The following RSPH14 variants were observed in gnomAD, a reference collection of about 807,000 sequenced individuals.
RSPH14 encodes radial spoke head 14 homolog, also known as rhabdoid tumor deletion region gene 1.
In RSPH14, 20 loss-of-function variants were observed where a neutral mutation model predicts 26.7. The observed-to-expected ratio is 0.75, with a 90% confidence interval of 0.53 to 1.09. The LOEUF is 1.09. Among genes scored for constraint, RSPH14 ranks in the 50% least tolerant of loss-of-function variants. The pLI, the probability that RSPH14 is intolerant of heterozygous loss-of-function variation, is 0.00. For missense variants in RSPH14, 449 were observed against 457.2 expected, an observed-to-expected ratio of 0.98 and a Z score of 0.16; for synonymous variants, 177 against 189.3, an observed-to-expected ratio of 0.93 and a Z score of 0.53.
intron 5 of RSPH14, 48 bp downstream of exon 5, chr22:23,063,854 G>A: frequency 6.3e-7 from 1 of 1,582,234 alleles, no homozygotes; most frequent in Non-Finnish European, 8.7e-7. Flanking sequence ...TCCAGCTCAG[G>A]TGCCTTCTCC....
At chr22:23,080,582 C>G (rs1454577316) in intron 4 of RSPH14, among the ~76,000 whole-genome samples, 1 of 152,220 alleles carries the variant, frequency 6.6e-6, no homozygotes, top group Admixed American at 6.5e-5. Context: ...CGTTGCGGAT[C>G]TGCAGGTGCA....
At chr22:23,179,353 G>A in the RSPH14 span, among the ~76,000 whole-genome samples, 1 of 152,156 alleles carries the variant, frequency 6.6e-6, no homozygotes, top group South Asian at 2.1e-4. Flanking sequence ...CAGCGGGCTG[G>A]TTTGGGTATT....
At chr22:23,118,678 C>G (rs984042116) in intron 4 of RSPH14, among the ~76,000 whole-genome samples, 31 of 152,228 alleles carry the variant, frequency 2.0e-4, no homozygotes, top group African/African-American at 7.5e-4. Context: ...GCAGAGGCAG[C>G]TCCTCTGAAT....
At chr22:23,116,600 G>A (rs1355866811) in intron 4 of RSPH14, among the ~76,000 whole-genome samples, 1 of 152,254 alleles carries the variant, frequency 6.6e-6, no homozygotes, top group Admixed American at 6.5e-5. Context: ...TGCAACTACA[G>A]TGCAGGATGG....
upstream of RSPH14, among the ~76,000 whole-genome samples, chr22:23,147,401 A>C (rs138461984): frequency 3.2e-3 from 481 of 151,990 alleles, 4 homozygotes; most frequent in African/African-American, 0.011. Context: ...TGGTGCCATC[A>C]TAATTCACTC....
chr22:23,065,177 G>A (rs1276824668), intron 4 of RSPH14, among the ~76,000 whole-genome samples: 2 of 152,148 alleles, frequency 1.3e-5, no homozygotes, highest in African/African-American at 2.4e-5. Flanking sequence ...GTCTCCAAGT[G>A]CCAATTAGTA....
intron 4 of RSPH14, among the ~76,000 whole-genome samples, chr22:23,098,814 C>G (rs1388700360): frequency 6.6e-6 from 1 of 152,252 alleles, no homozygotes; most frequent in Non-Finnish European, 1.5e-5. Context: ...CGGAGGTGAG[C>G]TGGCCCCCAG....
At chr22:23,099,906 A>G (rs956559802) in intron 4 of RSPH14, among the ~76,000 whole-genome samples, 1 of 152,222 alleles carries the variant, frequency 6.6e-6, no homozygotes, top group Non-Finnish European at 1.5e-5. Flanking sequence ...TTGTTGCCCA[A>G]CCTCTGCCCT....
chr22:23,125,384 T>C (rs1486478560), intron 4 of RSPH14, among the ~76,000 whole-genome samples: 1 of 151,974 alleles, frequency 6.6e-6, no homozygotes, highest in African/African-American at 2.4e-5. Flanking sequence ...CCTCAGCCAA[T>C]GTCAGAGTCA....
chr22:23,162,708 C>T, the RSPH14 span: 834 of 456,264 alleles, frequency 1.8e-3, 1 homozygote, highest in African/African-American at 5.6e-3. Context: ...TCATCCCACC[C>T]GTCTCGTGCT....
the RSPH14 span, among the ~76,000 whole-genome samples, chr22:23,170,272 G>C: frequency 6.6e-6 from 1 of 152,170 alleles, no homozygotes; most frequent in Admixed American, 6.5e-5. Context: ...CATAGTCTAG[G>C]TGGTTTTTAG....
intron 4 of RSPH14, 36 bp downstream of exon 4, chr22:23,133,990 G>C (rs1341054366): frequency 6.7e-6 from 10 of 1,496,830 alleles, no homozygotes; most frequent in South Asian, 1.1e-5. Flanking sequence ...GACAACTTGA[G>C]TGCCCGACAG....
intron 4 of RSPH14, among the ~76,000 whole-genome samples, chr22:23,104,997 G>C (rs1569178355): frequency 6.6e-6 from 1 of 152,224 alleles, no homozygotes; most frequent in Non-Finnish European, 1.5e-5. Context: ...GCTTAGGCCA[G>C]CCCAGGAGCC....
At chr22:23,123,201 C>G in intron 4 of RSPH14, 1 of 1,613,954 alleles carries the variant, frequency 6.2e-7, no homozygotes, top group Non-Finnish European at 8.5e-7. Flanking sequence ...AGAGAAGATC[C>G]GCCGCATCCC....
intron 4 of RSPH14, among the ~76,000 whole-genome samples, chr22:23,086,513 G>C (rs2068824614): frequency 6.6e-6 from 1 of 152,232 alleles, no homozygotes; most frequent in Non-Finnish European, 1.5e-5. Context: ...TCTCCTCCCA[G>C]TGGCCTCAGC....
chr22:23,123,594 A>G (rs1305698154), intron 4 of RSPH14: 2 of 602,554 alleles, frequency 3.3e-6, no homozygotes, highest in Non-Finnish European at 5.9e-6. Context: ...TGCAAACATA[A>G]ATATTTACGG....
At chr22:23,150,503 A>G in the RSPH14 span, among the ~76,000 whole-genome samples, 1 of 151,568 alleles carries the variant, frequency 6.6e-6, no homozygotes, top group African/African-American at 2.4e-5. Flanking sequence ...GGGTTTCACC[A>G]TGTTAGCCAG....
chr22:23,072,181 C>G (rs1297090367), intron 4 of RSPH14, among the ~76,000 whole-genome samples: 1 of 152,122 alleles, frequency 6.6e-6, no homozygotes, highest in Non-Finnish European at 1.5e-5. Flanking sequence ...AGGCAACCCC[C>G]TTGTTAGGAT....
At chr22:23,070,566 C>T (rs1388913652) in intron 4 of RSPH14, 7 of 151,524 alleles carry the variant, frequency 4.6e-5, no homozygotes, top group African/African-American at 1.7e-4. Flanking sequence ...TGCTGCGGCC[C>T]GGAGGTGAGT....
Sources: gnomAD v4.1 joint callset for allele counts (sites outside exome capture counted in the v4.1 genomes callset) on GRCh38, gnomAD v4.1.1 for gene constraint, MANE v1.5 for transcripts, NCBI Gene and HGNC (gene_info 2026-07-23, HGNC 2026-07-21) for gene names.